The following CCSER1 variants were observed in gnomAD, a reference collection of about 807,000 sequenced individuals.
The protein encoded by CCSER1 is coiled-coil serine rich protein 1, also known as serine-rich coiled-coil domain-containing protein 1.
Under a neutral mutation model 82.0 loss-of-function variants are expected in CCSER1, and 41 were observed. That is an observed-to-expected ratio of 0.50 (90% CI 0.39 to 0.65). The LOEUF is 0.65. Ranked by LOEUF, CCSER1 falls within the 30% of genes least tolerant of loss-of-function variation. The pLI is 0.00. For missense variants in CCSER1, 1,119 were observed against 1,064.2 expected (o/e 1.05, Z -0.72); for synonymous variants, 414 against 383.9 (o/e 1.08, Z -0.92).
chr4:91,326,969 C>T (rs1746610321), intron 10 of CCSER1, among the ~76,000 whole-genome samples: 1 of 152,174 alleles, frequency 6.6e-6, no homozygotes, highest in Admixed American at 6.5e-5. Flanking sequence ...GGCAGCTCTG[C>T]CTCTGTGGCT....
chr4:90,939,918 CTAT>C (rs1300072509), intron 9 of CCSER1, among the ~76,000 whole-genome samples: 1 of 151,856 alleles, frequency 6.6e-6, no homozygotes, highest in Non-Finnish European at 1.5e-5. Context: ...CTTCTTTATC[CTAT>C]TCTTATCTCT....
intron 8 of CCSER1, among the ~76,000 whole-genome samples, chr4:90,885,000 A>G (rs902525354): frequency 2.6e-5 from 4 of 152,178 alleles, no homozygotes; most frequent in Non-Finnish European, 5.9e-5. Flanking sequence ...TAGAACTTTT[A>G]TATTTTAATA....
chr4:90,391,471 TATATATATATATATACAC>T (rs1751078220), intron 3 of CCSER1, among the ~76,000 whole-genome samples: 1 of 91,356 alleles, frequency 1.1e-5, no homozygotes, highest in African/African-American at 6.5e-5. Flanking sequence ...TATATATATA[TATATATATATATATACAC>T]ACACACAGTG....
chr4:91,046,395 T>C (rs1742491688), intron 9 of CCSER1, among the ~76,000 whole-genome samples: 1 of 152,122 alleles, frequency 6.6e-6, no homozygotes, highest in South Asian at 2.1e-4. Flanking sequence ...AAGAGCTTTC[T>C]TTTATTTTTA....
chr4:90,385,605 G>A (rs1329200229), intron 3 of CCSER1, among the ~76,000 whole-genome samples: 6 of 151,348 alleles, frequency 4.0e-5, no homozygotes, highest in Admixed American at 6.6e-5. Context: ...GACTACAGGC[G>A]CTCACCACCA....
chr4:91,023,879 G>C (rs1476830673), intron 9 of CCSER1, among the ~76,000 whole-genome samples: 1 of 152,144 alleles, frequency 6.6e-6, no homozygotes, highest in East Asian at 1.9e-4. Flanking sequence ...AATGATATAA[G>C]TATTTTCTTA....
At chr4:91,093,594 G>A (rs112275869) in intron 10 of CCSER1, among the ~76,000 whole-genome samples, 2,542 of 152,310 alleles carry the variant, frequency 0.017, 71 homozygotes, top group African/African-American at 0.055. Flanking sequence ...GCTCTCAGAC[G>A]TGGAGGCCAG....
intron 5 of CCSER1, among the ~76,000 whole-genome samples, chr4:90,529,234 C>A (rs549883779): frequency 6.6e-6 from 1 of 151,276 alleles, no homozygotes; most frequent in Non-Finnish European, 1.5e-5. Context: ...TATTTTTTTG[C>A]GAGTGAGTCT....
chr4:90,496,002 T>A (rs2153608361), intron 5 of CCSER1, among the ~76,000 whole-genome samples: 1 of 152,340 alleles, frequency 6.6e-6, no homozygotes, highest in Admixed American at 6.5e-5. Flanking sequence ...AAAATCTTTT[T>A]ATTATGGTTA....
At chr4:91,081,346 T>C (rs1050796730) in intron 9 of CCSER1, among the ~76,000 whole-genome samples, 1 of 151,880 alleles carries the variant, frequency 6.6e-6, no homozygotes, top group African/African-American at 2.4e-5. Context: ...AGGCCTTCGA[T>C]GAATAAAATT....
At chr4:91,047,664 A>G (rs1176341253) in intron 9 of CCSER1, among the ~76,000 whole-genome samples, 5 of 152,102 alleles carry the variant, frequency 3.3e-5, no homozygotes, top group Non-Finnish European at 2.9e-5. Flanking sequence ...CTTGAATTTG[A>G]TTCATTACTG....
chr4:91,375,058 C>A (rs1435741663), intron 10 of CCSER1, among the ~76,000 whole-genome samples: 2 of 152,078 alleles, frequency 1.3e-5, no homozygotes, highest in Non-Finnish European at 2.9e-5. Flanking sequence ...CTCTGTTAGA[C>A]ATGGTAAAAG....
intron 7 of CCSER1, among the ~76,000 whole-genome samples, chr4:90,745,902 G>C (rs1001151858): frequency 1.3e-5 from 2 of 151,336 alleles, no homozygotes; most frequent in Non-Finnish European, 2.9e-5. Context: ...GGGTTTCACC[G>C]TGTTAGCCAG....
Position 91,601,627 on chromosome 4 carries a change from G to A in CCSER1, c.*2570G>A, listed in dbSNP as rs1764819730. The A allele has an allele frequency of 6.6e-6, 1 of 151,994 alleles. No homozygotes were observed. Among genetic ancestry groups the A allele is most frequent in the Non-Finnish European group, 1.5e-5 (1 of 67,928 alleles). The allele number at this position is 151,994 out of a possible 1,614,324, so 9.4% of individuals were successfully genotyped here. On this transcript the variant is annotated 3_prime_UTR_variant, in exon 11 of 11. Transcript: ENST00000509176. ...AGTTCCATGTATAAAAATGATTTATGCATTTCTCCAAGGCGGTACATATCC... is the reference window on the plus strand; with the variant it reads ...AGTTCCATGTATAAAAATGATTTATACATTTCTCCAAGGCGGTACATATCC...
At chr4:90,482,605 A>C (rs1286258964) in intron 5 of CCSER1, among the ~76,000 whole-genome samples, 3 of 152,114 alleles carry the variant, frequency 2.0e-5, no homozygotes, top group Non-Finnish European at 4.4e-5. Context: ...GAACATCTTT[A>C]TTTCTGCCTT....
chr4:90,233,725 A>C (rs886131037), intron 1 of CCSER1, among the ~76,000 whole-genome samples: 36 of 151,990 alleles, frequency 2.4e-4, no homozygotes, highest in Admixed American at 8.5e-4. Context: ...CATAAAAAAA[A>C]AAAAAAGAGA....
chr4:90,782,095 G>A (rs1308274380), intron 7 of CCSER1: 1 of 454,072 alleles, frequency 2.2e-6, no homozygotes, highest in Non-Finnish European at 2.9e-6. Context: ...TAATTGCCCA[G>A]GATAAGAAAA....
chr4:91,077,168 C>T (rs935561182), intron 9 of CCSER1, among the ~76,000 whole-genome samples: 13 of 152,104 alleles, frequency 8.5e-5, no homozygotes, highest in African/African-American at 3.1e-4. Flanking sequence ...AGGGAACCCC[C>T]ATTAAATACA....
chr4:91,499,481 T>G (rs1283300271), intron 10 of CCSER1, among the ~76,000 whole-genome samples: 1 of 151,896 alleles, frequency 6.6e-6, no homozygotes, highest in East Asian at 1.9e-4. Flanking sequence ...TGATACATCA[T>G]CATTATCCAA....
Sources: gnomAD v4.1 joint callset for allele counts (sites outside exome capture counted in the v4.1 genomes callset) on GRCh38, gnomAD v4.1.1 for gene constraint, MANE v1.5 for transcripts, NCBI Gene and HGNC (gene_info 2026-07-23, HGNC 2026-07-21) for gene names.